The following GTSF1 variants were observed in gnomAD, a reference collection of about 807,000 sequenced individuals.
GTSF1 encodes gametocyte-specific factor 1.
A neutral mutation model predicts 28.9 loss-of-function variants in GTSF1; 11 were observed. The ratio of observed to expected loss-of-function variants is 0.38; its 90% CI spans 0.24 to 0.63. The LOEUF (loss-of-function observed/expected upper bound fraction) is 0.63, where lower values mean the gene tolerates loss of function less well. GTSF1 is among the 30% of genes least tolerant of loss of function. The pLI is 0.56. For synonymous variants in GTSF1, 69 were observed against 65.6 expected (o/e 1.05, Z -0.25); for missense variants, 146 against 201.0 (o/e 0.73, Z 1.66).
chr12:54,459,313 C>T (rs753377606), intron 7 of GTSF1, 188 bp from the exon 8 acceptor site: 10 of 1,438,350 alleles, frequency 7.0e-6, no homozygotes, highest in Non-Finnish European at 9.1e-6. Flanking sequence ...CTTTACCTAC[C>T]AAGCCTTTTG....
chr12:54,471,183 T>C (rs757986883), intron 2 of GTSF1, 50 bp downstream of exon 2: 83 of 1,427,656 alleles, frequency 5.8e-5, no homozygotes, highest in Admixed American at 4.6e-4. Flanking sequence ...GATATAAAAC[T>C]ATACGTAAAT....
chr12:54,459,196 A>G, intron 7 of GTSF1, 71 bp from the exon 8 acceptor site: 2 of 1,513,242 alleles, frequency 1.3e-6, no homozygotes, highest in East Asian at 2.3e-5. Flanking sequence ...TATTCTTACT[A>G]AACACAAATG....
At chr12:54,462,892 G>T (rs903817876) in intron 4 of GTSF1, among the ~76,000 whole-genome samples, 167 bp from the exon 5 acceptor site, 2 of 152,100 alleles carry the variant, frequency 1.3e-5, no homozygotes, top group Non-Finnish European at 2.9e-5. Flanking sequence ...GCTGACAGAA[G>T]AAAGAAAAGC....
chr12:54,465,129 A>G lies in GTSF1; in HGVS notation c.55T>C (p.Tyr19His). 6.2e-7 allele frequency: 1 copy of G among 1,613,610 alleles called. No homozygotes were observed. The highest frequency in any genetic ancestry group is 8.5e-7 in the Non-Finnish European group (1 of 1,179,620). The change falls in exon 3 of 9, where the codon TAT (tyrosine) becomes CAT (histidine). Residue 19 changes from tyrosine to histidine, a missense_variant. Physicochemically the swap from Tyr to His is moderately conservative, Grantham distance 83. Transcript: ENST00000305879. ...GCCCTGATTTGATGGTTTTTGTCAT[A>G]GGGGCATTGCAATAGCTTCTCAGGG... ...LDPEKLLQCPYDKNHQIRACR... is the reference protein window; with the variant it reads ...LDPEKLLQCPHDKNHQIRACR...
intron 6 of GTSF1, among the ~76,000 whole-genome samples, chr12:54,461,342 C>T (rs1202206967): frequency 1.3e-5 from 2 of 151,962 alleles, no homozygotes; most frequent in African/African-American, 4.8e-5. Context: ...CTCAGCGATC[C>T]TCCCACCTTG....
chr12:54,466,816 C>CTTTTT (rs11404162), intron 2 of GTSF1: 15 of 119,854 alleles, frequency 1.3e-4, no homozygotes, highest in Admixed American at 5.1e-4. Context: ...ATTTAAAAAT[C>CTTTTT]TTTTTTTTTT....
At chr12:54,456,386 A>G (rs953163896) in intron 8 of GTSF1, among the ~76,000 whole-genome samples, 1 of 152,206 alleles carries the variant, frequency 6.6e-6, no homozygotes, top group African/African-American at 2.4e-5. Context: ...ACAGAAATCA[A>G]TGTGCACTTC....
chr12:54,462,597 T>C (rs1293251363), intron 5 of GTSF1, 45 bp downstream of exon 5: 1 of 1,476,332 alleles, frequency 6.8e-7, no homozygotes. Context: ...AGCAAATGAC[T>C]TGAGATTTAG....
chr12:54,472,075 A>G (rs897635828), intron 1 of GTSF1: 5 of 152,194 alleles, frequency 3.3e-5, no homozygotes, highest in Admixed American at 3.3e-4. Flanking sequence ...CTTATACATA[A>G]ACACAGAAAT....
chr12:54,468,581 A>G (rs532454388), intron 2 of GTSF1, among the ~76,000 whole-genome samples: 1 of 152,374 alleles, frequency 6.6e-6, no homozygotes, highest in African/African-American at 2.4e-5. Flanking sequence ...CTATTTGACA[A>G]GCTTCCTCTA....
At chr12:54,462,479 G>A (rs561674329) in intron 5 of GTSF1, among the ~76,000 whole-genome samples, 163 bp downstream of exon 5, 7 of 152,310 alleles carry the variant, frequency 4.6e-5, no homozygotes, top group African/African-American at 1.4e-4. Flanking sequence ...TGTTCCACGT[G>A]TCTGCACAGC....
In GTSF1 at chr12:54,462,574, TC is replaced by T. The variant is rs1565658646; in HGVS notation, c.328+67del. On this transcript the variant is annotated intron_variant, in intron 5 of 8. Coordinates refer to ENST00000305879, the MANE Select transcript of GTSF1 (RefSeq NM_144594.3). ...GTATGTTCATAAAAAAGGAAAATCT[TC>T]CTTCTGTCTTAAGCAAATGACTTGA... 3.1e-5 allele frequency: 41 copies of T among 1,319,732 alleles called. 1 individual carries two copies. 81.8% of individuals were successfully genotyped at this position (1,319,732 alleles called of 1,614,324 possible). A position where few individuals can be genotyped will look rare whatever the true frequency, so the allele number is the denominator to read the frequency against.
chr12:54,456,314 C>G (rs1034097279), intron 8 of GTSF1, among the ~76,000 whole-genome samples, 161 bp from the exon 9 acceptor site: 2 of 152,192 alleles, frequency 1.3e-5, no homozygotes, highest in African/African-American at 4.8e-5. Context: ...ACCTTCTGAT[C>G]TTTAACTCTT....
intron 1 of GTSF1, chr12:54,472,693 C>T (rs1468251578): frequency 6.6e-6 from 1 of 152,166 alleles, no homozygotes; most frequent in African/African-American, 2.4e-5. Context: ...CCACCCCTCC[C>T]CCCATTCTGT....
chr12:54,467,780 GT>G (rs879902725), intron 2 of GTSF1, among the ~76,000 whole-genome samples: 41 of 142,248 alleles, frequency 2.9e-4, no homozygotes, highest in Admixed American at 1.2e-3. Flanking sequence ...TTCCAGATTT[GT>G]TTTTTTTTTT....
chr12:54,470,428 T>C (rs1441787019), intron 2 of GTSF1, among the ~76,000 whole-genome samples: 2 of 152,214 alleles, frequency 1.3e-5, no homozygotes, highest in African/African-American at 2.4e-5. Context: ...ATTATTTCTA[T>C]GTAGTTTCTG....
At chr12:54,456,249 A>C (rs906850868) in intron 8 of GTSF1, 96 bp from the exon 9 acceptor site, 4 of 152,216 alleles carry the variant, frequency 2.6e-5, no homozygotes, top group Non-Finnish European at 5.9e-5. Context: ...TAACCCAATT[A>C]AATTATCTTG....
chr12:54,470,959 C>T (rs1040971242), intron 2 of GTSF1, among the ~76,000 whole-genome samples: 3 of 152,052 alleles, frequency 2.0e-5, no homozygotes, highest in Non-Finnish European at 4.4e-5. Context: ...AGTTACTATC[C>T]CCGTGTCATA....
chr12:54,470,003 G>A (rs762629761), intron 2 of GTSF1, among the ~76,000 whole-genome samples: 1 of 151,998 alleles, frequency 6.6e-6, no homozygotes, highest in Non-Finnish European at 1.5e-5. Flanking sequence ...AAACCCGGCC[G>A]GTCTCTACTA....
Sources: allele counts gnomAD v4.1 joint callset (sites outside exome capture counted in the v4.1 genomes callset), GRCh38; gene constraint gnomAD v4.1.1; transcripts MANE v1.5; gene names NCBI Gene and HGNC (gene_info 2026-07-23, HGNC 2026-07-21).